DMXL1: variants seen among roughly 807,000 people sequenced by gnomAD.
DMXL1 encodes the protein dmX-like protein 1.
In DMXL1, 99 loss-of-function variants were observed where a neutral mutation model predicts 319.2. That is an observed-to-expected ratio of 0.31 (90% CI 0.26 to 0.37). The LOEUF (loss-of-function observed/expected upper bound fraction) is 0.37. Among genes scored for constraint, DMXL1 ranks in the 10% least tolerant of loss-of-function variants. DMXL1 has a pLI of 1.00. For synonymous variants in DMXL1, 1,385 were observed against 1,235.2 expected (o/e 1.12, Z -2.54); for missense variants, 3,745 against 3,595.6 (o/e 1.04, Z -1.06).
Position 119,224,584 on chromosome 5 carries a change from A to T in DMXL1, c.8278-125A>T, listed in dbSNP as rs139086641. 3.9e-4 allele frequency: 146 copies of T among 377,832 alleles called. 1 individual carries two copies. The highest frequency in any genetic ancestry group is 2.8e-3 in the African/African-American group (132 of 47,872). The allele number at this position is 377,832 out of a possible 1,614,324, so 23.4% of individuals were successfully genotyped here. On this transcript the variant is annotated intron_variant, in intron 37 of 43. Transcript: ENST00000539542. ...TGTTATCATGTTTAGTATTTTTAGC[A>T]CCCATAATGATAGTTATGAACTCAT...
intron 7 of DMXL1, among the ~76,000 whole-genome samples, chr5:119,116,930 T>A (rs537312211): frequency 1.3e-5 from 2 of 152,126 alleles, no homozygotes; most frequent in African/African-American, 4.8e-5. Flanking sequence ...TCTGTAGTTC[T>A]GGAAAGAGTT....
chr5:119,169,012 C>A lies in DMXL1; in HGVS notation c.5398+1148C>A, dbSNP rs1774011910. On this transcript the variant is annotated intron_variant, in intron 23 of 43. Transcript: ENST00000539542. ...CACCTCCCAAGCTCAAGCAATCTTCCCACCCCAGCGTCCTGAGTAGCGGGG... is the reference window on the plus strand; with the variant it reads ...CACCTCCCAAGCTCAAGCAATCTTCACACCCCAGCGTCCTGAGTAGCGGGG... Among the ~76,000 whole-genome samples, 6 of 152,130 alleles carry A rather than the reference C, an allele frequency of 3.9e-5. No individual in the cohort carries two copies. In the South Asian group the frequency reaches 1.2e-3, roughly 32 times the overall value.
At chr5:119,244,996 A>T (rs555241520) in intron 43 of DMXL1, among the ~76,000 whole-genome samples, 2 of 152,362 alleles carry the variant, frequency 1.3e-5, no homozygotes, top group African/African-American at 4.8e-5. Context: ...AATTCTGGAT[A>T]AACCTTGCCT....
Position 119,096,768 on chromosome 5 carries a change from A to G in DMXL1, c.88-1211A>G, listed in dbSNP as rs370837997. Among the ~76,000 whole-genome samples the G allele has an allele frequency of 2.3e-4, 35 of 152,318 alleles. 1 individual carries two copies. Among genetic ancestry groups the G allele is most frequent in the Admixed American group, 1.4e-3 (21 of 15,296 alleles). ...AAAAAGAGCTATGAAATGCTTGGCAACAAGTCTTGAGCTATGTATACTTTC... is the reference window on the plus strand; with the variant it reads ...AAAAAGAGCTATGAAATGCTTGGCAGCAAGTCTTGAGCTATGTATACTTTC... On this transcript the variant is annotated intron_variant, in intron 1 of 43. Coordinates refer to ENST00000539542, the MANE Select transcript of DMXL1 (RefSeq NM_001290321.3).
chr5:119,122,179 C>T, intron 9 of DMXL1, among the ~76,000 whole-genome samples: 1 of 135,430 alleles, frequency 7.4e-6, no homozygotes, highest in Admixed American at 7.0e-5. Flanking sequence ...GCTGGCCGGG[C>T]AGAGTGGCTC....
At chr5:119,113,201 A>G (rs931004565) in intron 5 of DMXL1, among the ~76,000 whole-genome samples, 11 of 152,156 alleles carry the variant, frequency 7.2e-5, no homozygotes, top group African/African-American at 2.7e-4. Context: ...ACACATATAC[A>G]CATCTTTTGC....
chr5:119,081,994 AG>A (rs1752284350), intron 1 of DMXL1, among the ~76,000 whole-genome samples: 2 of 106,668 alleles, frequency 1.9e-5, no homozygotes, highest in African/African-American at 6.6e-5. Flanking sequence ...AGTTTTCTTA[AG>A]GTTATATATA....
intron 21 of DMXL1, 133 bp from the exon 22 acceptor site, chr5:119,166,483 G>GT: frequency 1.5e-6 from 1 of 666,992 alleles, no homozygotes; most frequent in Non-Finnish European, 2.5e-6. Context: ...GGGAAAAGAA[G>GT]CAGATACATA....
chr5:119,109,682 T>G (rs985261994), intron 4 of DMXL1, among the ~76,000 whole-genome samples: 1 of 152,260 alleles, frequency 6.6e-6, no homozygotes, highest in Non-Finnish European at 1.5e-5. Context: ...TCTCTTCTGC[T>G]TATTCATCCA....
intron 17 of DMXL1, among the ~76,000 whole-genome samples, 192 bp from the exon 18 acceptor site, chr5:119,148,547 C>G (rs953853247): frequency 2.0e-5 from 3 of 152,056 alleles, no homozygotes; most frequent in African/African-American, 7.2e-5. Flanking sequence ...TCTTACTATT[C>G]TTGCTGCCCC....
At chr5:119,175,024 T>A (rs1285569330) in intron 25 of DMXL1, among the ~76,000 whole-genome samples, 2 of 152,192 alleles carry the variant, frequency 1.3e-5, no homozygotes, top group African/African-American at 4.8e-5. Flanking sequence ...AGAAATTAGG[T>A]AGCAAATGTG....
At chr5:119,186,525 C>G (rs1777749139) in intron 28 of DMXL1, among the ~76,000 whole-genome samples, 1 of 152,162 alleles carries the variant, frequency 6.6e-6, no homozygotes, top group Non-Finnish European at 1.5e-5. Context: ...AATCTACATT[C>G]AGAATATTAA....
intron 1 of DMXL1, among the ~76,000 whole-genome samples, chr5:119,090,877 T>G (rs867094688): frequency 6.6e-6 from 1 of 152,072 alleles, no homozygotes; most frequent in Middle Eastern, 3.4e-3. Context: ...CCTCTGTGTG[T>G]TTTTAAATAG....
Position 119,149,982 on chromosome 5 carries a change from C to G in DMXL1, c.4155C>G (p.Asp1385Glu), listed in dbSNP as rs374575240. The change falls in exon 18 of 44, where the codon GAC becomes GAG. Residue 1385 changes from aspartate (D) to glutamate (E), a missense_variant. Around this residue, in one of 4 missense-constraint regions of DMXL1, gnomAD observed 2,096 missense variants for 1,985.4 expected, o/e 1.06. Coordinates refer to ENST00000539542, the MANE Select transcript of DMXL1 (RefSeq NM_001290321.3). The part of the protein sequence containing the change: ...TISASGSTTR[D>E]PQAFNKAENT... ...GTGCTAGTGGAAGCACTACCAGAGA[C>G]CCCCAGGCATTCAACAAGGCTGAAA... 6.2e-7 allele frequency: 1 copy of G among 1,613,734 alleles called. No homozygotes were observed. The highest frequency in any genetic ancestry group is 1.3e-5 in the African/African-American group (1 of 74,868).
chr5:119,138,935 C>G (rs1262644871), intron 13 of DMXL1: 1 of 152,192 alleles, frequency 6.6e-6, no homozygotes, highest in Non-Finnish European at 1.5e-5. Context: ...GCAAGGATGA[C>G]ATGCAAATTC....
At chr5:119,127,527 C>G (rs756977096) in intron 9 of DMXL1, among the ~76,000 whole-genome samples, 2 of 152,172 alleles carry the variant, frequency 1.3e-5, no homozygotes, top group African/African-American at 2.4e-5. Flanking sequence ...CAACTTCTGC[C>G]TCCTGGCTTC....
chr5:119,113,781 A>G (rs1760198833), intron 5 of DMXL1, among the ~76,000 whole-genome samples: 1 of 152,224 alleles, frequency 6.6e-6, no homozygotes, highest in Non-Finnish European at 1.5e-5. Context: ...GCTTAAAATC[A>G]GAAAAAAAAG....
chr5:119,220,803 C>A, intron 36 of DMXL1, 137 bp from the exon 37 acceptor site: 1 of 1,169,522 alleles, frequency 8.6e-7, no homozygotes, highest in East Asian at 2.5e-5. Context: ...GGTATGAGGT[C>A]ATTGTGTGTG....
intron 43 of DMXL1, 41 bp from the exon 44 acceptor site, chr5:119,246,954 T>C (rs763527650): frequency 6.8e-7 from 1 of 1,460,940 alleles, no homozygotes; most frequent in Admixed American, 1.9e-5. Context: ...CTTAAGGTCA[T>C]CATCAACCCT....
Sources: gnomAD v4.1 joint callset for allele counts (sites outside exome capture counted in the v4.1 genomes callset) on GRCh38, gnomAD v4.1.1 for gene constraint, gnomAD v4.1.1 regional missense constraint, MANE v1.5 for transcripts, NCBI Gene and HGNC (gene_info 2026-07-23, HGNC 2026-07-21) for gene names.